Variants in GNG7 observed in about 807,000 individuals in gnomAD.
GNG7 encodes the protein guanine nucleotide-binding protein G(I)/G(S)/G(O) subunit gamma-7.
In GNG7, 1 loss-of-function variant was observed where a neutral mutation model predicts 4.0. The observed-to-expected ratio is 0.25, with a 90% confidence interval of 0.09 to 1.18. The LOEUF (loss-of-function observed/expected upper bound fraction) is 1.18, where lower values mean the gene tolerates loss of function less well. Ranked by LOEUF, GNG7 falls within the 50% of genes most tolerant of loss-of-function variation. The pLI, the probability that GNG7 is intolerant of heterozygous loss-of-function variation, is 0.50. For missense variants in GNG7, 86 were observed against 91.9 expected (o/e 0.94, Z 0.26); for synonymous variants, 34 against 36.9 (o/e 0.92, Z 0.29).
At chr19:2,647,515 C>G (rs1297534573) in intron 1 of GNG7, among the ~76,000 whole-genome samples, 1 of 152,236 alleles carries the variant, frequency 6.6e-6, no homozygotes, top group Non-Finnish European at 1.5e-5. Flanking sequence ...GTCCTCCCAG[C>G]GAGTCGCCCC....
chr19:2,697,268 C>T (rs780086895), intron 1 of GNG7, among the ~76,000 whole-genome samples: 35 of 152,142 alleles, frequency 2.3e-4, no homozygotes, highest in Non-Finnish European at 4.3e-4. Context: ...TTTCCTTTTG[C>T]GAGGTTCAAG....
rs1217753552 is a variant in GNG7, at chr19:2,659,535, A to G, written c.-134-13255T>C. 2.1e-5 allele frequency among the ~76,000 whole-genome samples: 3 copies of G among 142,374 alleles called. No homozygotes were observed. The Admixed American group carries it at 2.1e-4, about 10-fold the overall frequency. The allele number at this position is 142,374 out of a possible 152,430, so 93.4% of individuals were successfully genotyped here. ...GACCTGGGAGGCGGAGGTTGCAGTG[A>G]GCTGAGATCACGCCACTACACTCCA... On this transcript the variant is annotated intron_variant, in intron 1 of 4. Coordinates refer to ENST00000382159, the MANE Select transcript of GNG7 (RefSeq NM_052847.3).
chr19:2,621,737 A>G (rs189945518), intron 2 of GNG7, among the ~76,000 whole-genome samples: 1 of 152,106 alleles, frequency 6.6e-6, no homozygotes, highest in East Asian at 1.9e-4. Context: ...AAAGAAGGAG[A>G]CACAGAGAGA....
At chr19:2,591,440 T>A (rs1292311084) in intron 2 of GNG7, among the ~76,000 whole-genome samples, 1 of 144,584 alleles carries the variant, frequency 6.9e-6, no homozygotes, top group East Asian at 2.0e-4. Flanking sequence ...TTTTCGTAAT[T>A]TGAAAATAAA....
At chr19:2,616,180 G>A (rs574694677) in intron 2 of GNG7, among the ~76,000 whole-genome samples, 16 of 152,284 alleles carry the variant, frequency 1.1e-4, no homozygotes, top group Admixed American at 4.6e-4. Flanking sequence ...AGGCTGAGGC[G>A]AGAGGATCCC....
At position 2,577,286 on chromosome 19, in the gene GNG7, C is replaced by T. The variant is rs112637292; in HGVS notation, c.-77-22098G>A. On this transcript the variant is annotated intron_variant, in intron 2 of 4. Coordinates refer to ENST00000382159, the MANE Select transcript of GNG7 (RefSeq NM_052847.3). ...GCAGTCTGGGTGTTGGTTGGGGCTG[C>T]GTCTCATCCAAGGCTCGCCCGGGGA... 4.8e-3 allele frequency among the ~76,000 whole-genome samples: 737 copies of T among 152,282 alleles called. 4 individuals carry two copies. Among genetic ancestry groups the T allele is most frequent in the African/African-American group, 0.017 (686 of 41,554 alleles).
At chr19:2,589,286 G>A (rs551247029) in intron 2 of GNG7, among the ~76,000 whole-genome samples, 2 of 149,828 alleles carry the variant, frequency 1.3e-5, no homozygotes, top group African/African-American at 2.5e-5. Flanking sequence ...GCAGTGGCGC[G>A]ATATCAGCTC....
chr19:2,532,192 A>G (rs896585247), intron 3 of GNG7, among the ~76,000 whole-genome samples: 1 of 152,078 alleles, frequency 6.6e-6, no homozygotes, highest in Non-Finnish European at 1.5e-5. Context: ...AGCACTACAA[A>G]GAGACCCACA....
intron 2 of GNG7, among the ~76,000 whole-genome samples, chr19:2,585,992 G>A (rs1358068387): frequency 6.6e-6 from 1 of 152,170 alleles, no homozygotes; most frequent in Non-Finnish European, 1.5e-5. Context: ...GAACCGCCGT[G>A]CCCCGGCCAA....
At chr19:2,515,399 C>G (rs184133297) in intron 4 of GNG7, among the ~76,000 whole-genome samples, 4 of 151,632 alleles carry the variant, frequency 2.6e-5, no homozygotes, top group Non-Finnish European at 5.9e-5. Context: ...ATGCCAGACA[C>G]AGAAGGCCAC....
intron 2 of GNG7, among the ~76,000 whole-genome samples, chr19:2,615,971 A>G (rs1414715100): frequency 1.3e-5 from 2 of 152,222 alleles, no homozygotes; most frequent in African/African-American, 4.8e-5. Flanking sequence ...GGGCCACCCC[A>G]GGATCTGGTG....
At chr19:2,552,779 CATA>C (rs1250650269) in intron 3 of GNG7, among the ~76,000 whole-genome samples, 1 of 151,304 alleles carries the variant, frequency 6.6e-6, no homozygotes, top group African/African-American at 2.4e-5. Flanking sequence ...ATTACAATGT[CATA>C]ATAACAGAAA....
intron 2 of GNG7, among the ~76,000 whole-genome samples, chr19:2,573,924 G>C (rs1980228530): frequency 6.6e-6 from 1 of 152,216 alleles, no homozygotes; most frequent in Non-Finnish European, 1.5e-5. Context: ...ATTCTTTCTG[G>C]AAGAGGCTGG....
chr19:2,584,245 C>A (rs1980579340), intron 2 of GNG7, among the ~76,000 whole-genome samples: 1 of 147,422 alleles, frequency 6.8e-6, no homozygotes, highest in African/African-American at 2.5e-5. Context: ...GAGCTCAAGA[C>A]CAGCCAGGGC....
chr19:2,549,265 C>T lies in GNG7; in HGVS notation c.-38+5884G>A, dbSNP rs1263945071. ...CCGTGGGGGTGGAGGTGGAGGAGGA[C>T]ATGCACGGAGGGCTTAAACAGGGCT... On this transcript the variant is annotated intron_variant, in intron 3 of 4. Transcript: ENST00000382159. 2.0e-5 allele frequency among the ~76,000 whole-genome samples: 3 copies of T among 150,854 alleles called. No homozygotes were observed. The Admixed American group carries it at 2.0e-4, about 10-fold the overall frequency.
intron 2 of GNG7, among the ~76,000 whole-genome samples, chr19:2,564,914 G>C (rs376445306): frequency 6.6e-6 from 1 of 151,480 alleles, no homozygotes; most frequent in African/African-American, 2.4e-5. Flanking sequence ...AATCAGGCCA[G>C]ATGCGGTGGC....
At chr19:2,661,474 C>T (rs1014541050) in intron 1 of GNG7, among the ~76,000 whole-genome samples, 1 of 151,598 alleles carries the variant, frequency 6.6e-6, no homozygotes, top group Non-Finnish European at 1.5e-5. Context: ...GCCTGGCCAA[C>T]ACAGTGAAAC....
intron 2 of GNG7, among the ~76,000 whole-genome samples, chr19:2,591,169 C>T (rs549817226): frequency 2.0e-5 from 3 of 152,282 alleles, no homozygotes; most frequent in South Asian, 2.1e-4. Flanking sequence ...GAACCTCTTG[C>T]GCGGTAGGTT....
rs1416171985 is a variant in GNG7 at position 2,653,040 on chromosome 19, G to A, written c.-134-6760C>T. Among the ~76,000 whole-genome samples the A allele has an allele frequency of 1.3e-5, 2 of 151,612 alleles. No homozygotes were observed. Among genetic ancestry groups the A allele is most frequent in the South Asian group, 2.1e-4 (1 of 4,786 alleles). On this transcript the variant is annotated intron_variant, in intron 1 of 4. Transcript: ENST00000382159. This position sits in a 1 kb window ranked among gnomAD's most constrained non-coding sequence, Gnocchi z 4.8. ...CAGAAGGCAGAGGCTGCAGTGAACC[G>A]AGATCACACCACTGCACTCCAGCCC... is the stretch of plus-strand genomic sequence containing the variant.
Sources: gnomAD v4.1 joint callset for allele counts (sites outside exome capture counted in the v4.1 genomes callset) on GRCh38, gnomAD v4.1.1 for gene constraint, Gnocchi (gnomAD v3.1) non-coding constraint, MANE v1.5 for transcripts, NCBI Gene and HGNC (gene_info 2026-07-23, HGNC 2026-07-21) for gene names.